The following METTL15 variants were observed in gnomAD, a reference collection of about 807,000 sequenced individuals.
METTL15 encodes 12S rRNA N(4)-cytidine methyltransferase METTL15.
METTL15 carries 34 observed loss-of-function variants against 38.3 expected under a neutral mutation model. The ratio of observed to expected loss-of-function variants is 0.89; its 90% CI spans 0.68 to 1.18. The LOEUF is 1.18. Ranked by LOEUF, METTL15 falls within the 50% of genes most tolerant of loss-of-function variation. The pLI, the probability that METTL15 is intolerant of heterozygous loss-of-function variation, is 0.00. For synonymous variants in METTL15, 162 were observed against 170.9 expected (o/e 0.95, Z 0.41); for missense variants, 438 against 498.4 (o/e 0.88, Z 1.15).
chr11:28,441,275 C>T (rs1012868462), intron 6 of METTL15, among the ~76,000 whole-genome samples: 22 of 151,862 alleles, frequency 1.4e-4, no homozygotes, highest in African/African-American at 4.6e-4. Flanking sequence ...GACAGGGTTT[C>T]ACCATGTTGG....
At chr11:28,120,591 G>A (rs534796734) in intron 3 of METTL15, among the ~76,000 whole-genome samples, 18 of 151,936 alleles carry the variant, frequency 1.2e-4, no homozygotes, top group African/African-American at 4.3e-4. Flanking sequence ...GTACGTTCCT[G>A]ATGTCATGGA....
At chr11:28,188,073 A>G (rs1456915154) in intron 3 of METTL15, among the ~76,000 whole-genome samples, 3 of 151,246 alleles carry the variant, frequency 2.0e-5, no homozygotes, top group Non-Finnish European at 4.4e-5. Context: ...TTGAAATTCT[A>G]TTCATTGCCT....
intron 3 of METTL15, among the ~76,000 whole-genome samples, chr11:28,344,401 A>G (rs112226869): frequency 0.029 from 4,443 of 152,306 alleles, 83 homozygotes; most frequent in Middle Eastern, 0.082. Context: ...AATTAAAAGT[A>G]CAGGCTCACT....
chr11:28,396,872 G>T (rs2133399834), intron 5 of METTL15, among the ~76,000 whole-genome samples: 1 of 152,284 alleles, frequency 6.6e-6, no homozygotes, highest in East Asian at 1.9e-4. Context: ...AAAACAGCAT[G>T]GTACTGGTAC....
At chr11:28,187,192 T>C (rs1190569608) in intron 3 of METTL15, among the ~76,000 whole-genome samples, 1 of 151,270 alleles carries the variant, frequency 6.6e-6, no homozygotes, top group Non-Finnish European at 1.5e-5. Flanking sequence ...CCAGAAGTTG[T>C]TCTGAACAAA....
chr11:28,151,703 T>C (rs1175534660), intron 3 of METTL15, among the ~76,000 whole-genome samples: 1 of 152,068 alleles, frequency 6.6e-6, no homozygotes, highest in Admixed American at 6.6e-5. Flanking sequence ...TTTAAAACTA[T>C]GGAGGGTTCA....
At chr11:28,310,953 GTGGTGGTGGTGGGTGTGT>G (rs1857267868) in intron 6 of METTL15, among the ~76,000 whole-genome samples, 1 of 139,492 alleles carries the variant, frequency 7.2e-6, no homozygotes, top group African/African-American at 2.8e-5. Flanking sequence ...GGTGGTGGTG[GTGGTGGTGGTGGGTGTGT>G]GTGTGTGTGT....
chr11:28,246,918 A>T (rs915774800), intron 4 of METTL15, among the ~76,000 whole-genome samples: 1 of 152,134 alleles, frequency 6.6e-6, no homozygotes, highest in Non-Finnish European at 1.5e-5. Flanking sequence ...TAAAAACAAT[A>T]CTTGATTTAG....
At chr11:28,423,098 T>A (rs914539409) in intron 5 of METTL15, among the ~76,000 whole-genome samples, 86 of 152,098 alleles carry the variant, frequency 5.7e-4, no homozygotes, top group African/African-American at 2.0e-3. Flanking sequence ...TATATAAAAA[T>A]GTTCAACATC....
At chr11:28,264,807 T>C (rs995005978) in intron 4 of METTL15, among the ~76,000 whole-genome samples, 1 of 152,182 alleles carries the variant, frequency 6.6e-6, no homozygotes, top group Admixed American at 6.5e-5. Flanking sequence ...TCTGAATTTC[T>C]CTCCTTATCT....
At chr11:28,242,643 C>G (rs189292818) in intron 4 of METTL15, among the ~76,000 whole-genome samples, 8 of 152,106 alleles carry the variant, frequency 5.3e-5, no homozygotes, top group Admixed American at 5.2e-4. Flanking sequence ...TCTTGTTTTT[C>G]CTTACTTGGG....
chr11:28,324,737 T>A (rs1849576089), intron 6 of METTL15, among the ~76,000 whole-genome samples: 1 of 152,204 alleles, frequency 6.6e-6, no homozygotes, highest in African/African-American at 2.4e-5. Context: ...CTTATTGATA[T>A]GACCGAATAT....
intron 6 of METTL15, among the ~76,000 whole-genome samples, chr11:28,515,591 TG>T (rs1445231447): frequency 2.0e-5 from 3 of 152,218 alleles, no homozygotes; most frequent in Non-Finnish European, 4.4e-5. Context: ...TCCAAATACT[TG>T]TTTATGTATT....
intron 5 of METTL15, among the ~76,000 whole-genome samples, chr11:28,408,932 A>G (rs372204441): frequency 1.5e-3 from 230 of 152,356 alleles, no homozygotes; most frequent in African/African-American, 5.5e-3. Flanking sequence ...TAACATGGAA[A>G]TACTGGACTT....
At chr11:28,369,992 T>C (rs1307565022) in intron 5 of METTL15, among the ~76,000 whole-genome samples, 2 of 152,170 alleles carry the variant, frequency 1.3e-5, no homozygotes, top group African/African-American at 4.8e-5. Flanking sequence ...AACGATTTAA[T>C]AGAGTCACTT....
intron 6 of METTL15, among the ~76,000 whole-genome samples, chr11:28,300,696 C>G (rs1478629340): frequency 6.6e-6 from 1 of 152,156 alleles, no homozygotes; most frequent in South Asian, 2.1e-4. Context: ...CATACATATG[C>G]TATTCAGAAC....
chr11:28,388,788 G>A (rs567553293), intron 5 of METTL15, among the ~76,000 whole-genome samples: 20 of 151,850 alleles, frequency 1.3e-4, no homozygotes, highest in South Asian at 2.1e-4. Flanking sequence ...CCATTAACTC[G>A]TCGTTTAACA....
chr11:28,211,777 G>A (rs1852652778), intron 4 of METTL15, among the ~76,000 whole-genome samples: 3 of 152,054 alleles, frequency 2.0e-5, no homozygotes, highest in African/African-American at 7.2e-5. Flanking sequence ...TTAGGGAGTA[G>A]ACATGGTATG....
intron 5 of METTL15, among the ~76,000 whole-genome samples, chr11:28,365,055 A>T (rs1218205273): frequency 6.6e-6 from 1 of 152,190 alleles, no homozygotes; most frequent in East Asian, 1.9e-4. Flanking sequence ...TAACTTTTTG[A>T]TGTGCTGCTG....
Sources: allele counts gnomAD v4.1 joint callset (sites outside exome capture counted in the v4.1 genomes callset), GRCh38; gene constraint gnomAD v4.1.1; transcripts MANE v1.5; gene names NCBI Gene and HGNC (gene_info 2026-07-23, HGNC 2026-07-21).